TAL1: variants seen among roughly 807,000 people sequenced by gnomAD.
The protein encoded by TAL1 is TAL bHLH transcription factor 1, erythroid differentiation factor, also known as T-cell acute lymphocytic leukemia protein 1.
In TAL1, 8 loss-of-function variants were observed where a neutral mutation model predicts 17.9. The ratio of observed to expected loss-of-function variants is 0.45; its 90% confidence interval spans 0.26 to 0.81. TAL1 has a LOEUF of 0.81. Ranked by LOEUF, TAL1 falls within the 30% of genes least tolerant of loss-of-function variation. The pLI, the probability that TAL1 is intolerant of heterozygous loss-of-function variation, is 0.17. For missense variants in TAL1, 466 were observed against 486.9 expected (o/e 0.96, Z 0.40); for synonymous variants, 223 against 218.6 (o/e 1.02, Z -0.18).
intron 1 of TAL1, 79 bp from the exon 3 acceptor site, chr1:47,225,968 G>C (rs561302821): frequency 4.2e-5 from 60 of 1,440,634 alleles, no homozygotes; most frequent in Admixed American, 3.3e-4. Context: ...GGGGTAAAGG[G>C]GAGAAGGGCA....
chr1:47,223,934 A>C (rs1259735943), intron 3 of TAL1, 70 bp downstream of exon 4: 11 of 1,437,748 alleles, frequency 7.7e-6, no homozygotes, highest in Admixed American at 1.7e-5. Flanking sequence ...GTAGTCCCAG[A>C]TGTTCCCTCC....
At chr1:47,227,011 A>C (rs1643922790) in intron 1 of TAL1, among the ~76,000 whole-genome samples, 1 of 152,232 alleles carries the variant, frequency 6.6e-6, no homozygotes, top group Admixed American at 6.5e-5. Context: ...GCCTGGCCGA[A>C]TGTCAAGTCA....
intron 3 of TAL1, among the ~76,000 whole-genome samples, chr1:47,220,456 G>A (rs1355734487): frequency 6.6e-6 from 1 of 152,126 alleles, no homozygotes; most frequent in Non-Finnish European, 1.5e-5. Flanking sequence ...CCTGGGCTGT[G>A]ATATATTTGA....
exon 4 of TAL1, chr1:47,218,466 G>A (rs951167076): frequency 4.3e-6 from 1 of 232,832 alleles, no homozygotes; most frequent in Non-Finnish European, 8.5e-6. Flanking sequence ...CTTTCAGAGG[G>A]GAGCACTTCT....
intron 1 of TAL1, 83 bp from the exon 3 acceptor site, chr1:47,225,972 A>T: frequency 1.4e-6 from 2 of 1,405,150 alleles, no homozygotes; most frequent in Non-Finnish European, 1.9e-6. Context: ...TAAAGGGGAG[A>T]AGGGCAGAGA....
At chr1:47,224,931 C>T (rs1643884536) in intron 2 of TAL1, among the ~76,000 whole-genome samples, 1 of 152,226 alleles carries the variant, frequency 6.6e-6, no homozygotes, top group African/African-American at 2.4e-5. Flanking sequence ...CAGGCGGGCC[C>T]TCCAGCAGAG....
intron 3 of TAL1, among the ~76,000 whole-genome samples, chr1:47,222,055 C>T (rs1401283112): frequency 2.0e-5 from 3 of 152,232 alleles, no homozygotes; most frequent in Admixed American, 6.5e-5. Flanking sequence ...CTACCCTGGG[C>T]GGCCTCTGAG....
At chr1:47,228,180 G>T in intron 1 of TAL1, 1 of 166,274 alleles carries the variant, frequency 6.0e-6, no homozygotes. Context: ...TTGGATCCCA[G>T]GATCTGTGGA....
chr1:47,220,132 C>T, exon 4 of TAL1: 2 of 1,596,888 alleles, frequency 1.3e-6, no homozygotes, highest in Non-Finnish European at 1.7e-6. Context: ...CCATCGCTCC[C>T]GGCTGTTGGT....
intron 3 of TAL1, 108 bp downstream of exon 4, chr1:47,223,896 C>T: frequency 8.9e-7 from 1 of 1,125,026 alleles, no homozygotes; most frequent in Admixed American, 1.8e-5. Flanking sequence ...GGAAAGTGGC[C>T]CGCCCATCTT....
At chr1:47,222,655 C>T (rs529788772) in intron 3 of TAL1, among the ~76,000 whole-genome samples, 50 of 152,248 alleles carry the variant, frequency 3.3e-4, no homozygotes, top group Admixed American at 3.0e-3. Context: ...CTGCCTATTC[C>T]TCTCTGGTTT....
At chr1:47,230,149 G>C (rs927587811), upstream of TAL1, 2 of 152,142 alleles carry the variant, frequency 1.3e-5, no homozygotes, top group Non-Finnish European at 2.9e-5. Context: ...AATGATTTTC[G>C]ATTTTTCGGG....
chr1:47,225,434 GC>G lies in TAL1; in HGVS notation c.446+8del. Reference sequence around the variant, plus strand: ...CCCAGCCCCTGGCCCCTGGCCCCTGGCCCCTGACCTGCCGAGAGAGGCCAGC... The same window carrying G: ...CCCAGCCCCTGGCCCCTGGCCCCTGGCCCTGACCTGCCGAGAGAGGCCAGC... On this transcript the variant is annotated splice_region_variant and intron_variant, in intron 2 of 3. Transcript: ENST00000294339. 1 of 1,230,424 alleles carries G rather than the reference GC, an allele frequency of 8.1e-7. No individual in the cohort carries two copies. Among genetic ancestry groups the G allele is most frequent in the Non-Finnish European group, 1.0e-6 (1 of 987,418 alleles). The allele number at this position is 1,230,424 out of a possible 1,614,324, so 76.2% of individuals were successfully genotyped here.
intron 2 of TAL1, 29 bp downstream of exon 3, chr1:47,225,414 C>G (rs1252438242): frequency 1.7e-6 from 2 of 1,202,174 alleles, no homozygotes; most frequent in Non-Finnish European, 2.1e-6. Flanking sequence ...ACCCGCCCAG[C>G]CCCTGGCCCC....
At chr1:47,220,057 T>G (rs1247202867) in exon 4 of TAL1, 1 of 1,614,010 alleles carries the variant, frequency 6.2e-7, no homozygotes, top group South Asian at 1.1e-5. Context: ...GAGCTTCTTG[T>G]CCGGGGGATG....
intron 3 of TAL1, among the ~76,000 whole-genome samples, chr1:47,222,341 G>A (rs1643831041): frequency 6.6e-6 from 1 of 152,188 alleles, no homozygotes; most frequent in Admixed American, 6.5e-5. Flanking sequence ...TTAGCTGTGT[G>A]ACCTTGATCA....
In TAL1 at chr1:47,225,385, G is replaced by A. The variant is rs879858880; in HGVS notation, c.446+58C>T. ...CCGATGTGTAGAAGGAAACCCCGGT[G>A]GGGGTGGTCGCCCTGCCCACCCGCC... is the stretch of plus-strand genomic sequence containing the variant. On this transcript the variant is annotated intron_variant, in intron 2 of 3. Transcript: ENST00000294339. The A allele has an allele frequency of 1.2e-4, 151 of 1,217,200 alleles. No individual in the cohort carries two copies. In the Admixed American group the frequency reaches 1.7e-3, roughly 13 times the overall value. 75.4% of individuals were successfully genotyped at this position (1,217,200 alleles called of 1,614,324 possible).
At chr1:47,225,569 G>A in exon 2 of TAL1, 1 of 1,281,118 alleles carries the variant, frequency 7.8e-7, no homozygotes, top group Non-Finnish European at 9.8e-7. Context: ...CGCTGTAACC[G>A]AGGCGGGCGC....
chr1:47,225,299 G>T, intron 2 of TAL1, 144 bp downstream of exon 3: 1 of 725,700 alleles, frequency 1.4e-6, no homozygotes, highest in Non-Finnish European at 1.9e-6. Flanking sequence ...TAGAGCCACT[G>T]GGTTTAAAAC....
Sources: allele counts gnomAD v4.1 joint callset (sites outside exome capture counted in the v4.1 genomes callset), GRCh38; gene constraint gnomAD v4.1.1; transcripts MANE v1.5; gene names NCBI Gene and HGNC (gene_info 2026-07-23, HGNC 2026-07-21).